The following GRIN2B variants were observed in gnomAD, a reference collection of about 807,000 sequenced individuals.
GRIN2B encodes glutamate ionotropic receptor NMDA type subunit 2B.
Under a neutral mutation model 114.5 loss-of-function variants are expected in GRIN2B, and 5 were observed. The ratio of observed to expected loss-of-function variants is 0.04; its 90% CI spans 0.02 to 0.09. GRIN2B has a LOEUF of 0.09. GRIN2B is among the 10% of genes least tolerant of loss of function. The pLI, the probability that GRIN2B is intolerant of heterozygous loss-of-function variation, is 1.00. For missense variants in GRIN2B, 1,108 were observed against 1,943.5 expected, an observed-to-expected ratio of 0.57 and a Z score of 8.08; for synonymous variants, 787 against 745.1, an observed-to-expected ratio of 1.06 and a Z score of -0.92.
At chr12:13,772,188 T>C (rs1400932823) in intron 3 of GRIN2B, among the ~76,000 whole-genome samples, 2 of 152,232 alleles carry the variant, frequency 1.3e-5, no homozygotes, top group Non-Finnish European at 2.9e-5. Flanking sequence ...CTCAGATGGA[T>C]CAGCTCCCTC....
At chr12:13,928,496 A>G (rs1034324590) in intron 2 of GRIN2B, among the ~76,000 whole-genome samples, 4 of 152,234 alleles carry the variant, frequency 2.6e-5, no homozygotes, top group Non-Finnish European at 5.9e-5. Flanking sequence ...AGATTATGTA[A>G]CAAAATATAC....
At position 13,846,475 on chromosome 12, in the gene GRIN2B, TC is replaced by T. The variant is rs1171348496; in HGVS notation, c.411+19322del. Reference sequence around the variant, plus strand: ...TGCTTTGACAAATGAGGTTGAGACTTCTATAGACTTTATTGTTGCATCTCTA... The same window carrying T: ...TGCTTTGACAAATGAGGTTGAGACTTTATAGACTTTATTGTTGCATCTCTA... On this transcript the variant is annotated intron_variant, in intron 3 of 13. Transcript: ENST00000609686. Among the ~76,000 whole-genome samples, 3 of 152,334 alleles carry T rather than the reference TC, an allele frequency of 2.0e-5. No individual in the cohort carries two copies. In the East Asian group the frequency reaches 5.8e-4, roughly 29 times the overall value.
intron 13 of GRIN2B, among the ~76,000 whole-genome samples, chr12:13,565,668 A>G (rs7305308): frequency 1.3e-5 from 2 of 152,186 alleles, no homozygotes; most frequent in Non-Finnish European, 1.5e-5. Flanking sequence ...AAGCATATGA[A>G]AAGAGGTTGT....
At chr12:13,824,371 G>A (rs1385799179) in intron 3 of GRIN2B, among the ~76,000 whole-genome samples, 1 of 152,100 alleles carries the variant, frequency 6.6e-6, no homozygotes, top group African/African-American at 2.4e-5. Flanking sequence ...CTCTCAAGGT[G>A]TTTGTCTATT....
intron 5 of GRIN2B, among the ~76,000 whole-genome samples, chr12:13,637,480 G>C (rs1949676283): frequency 6.6e-6 from 1 of 152,104 alleles, no homozygotes; most frequent in Admixed American, 6.5e-5. Flanking sequence ...AAAAATATCA[G>C]TTGTCTTCTT....
At chr12:13,702,227 G>T (rs1189148160) in intron 4 of GRIN2B, among the ~76,000 whole-genome samples, 1 of 152,112 alleles carries the variant, frequency 6.6e-6, no homozygotes, top group Non-Finnish European at 1.5e-5. Flanking sequence ...AATTATAATT[G>T]TGAAAATATT....
rs73045383 is a variant in GRIN2B, at chr12:13,547,364, G to T, written c.*15419C>A. The T allele has an allele frequency of 0.058, 8,787 of 152,160 alleles. 361 individuals carry two copies. The highest frequency in any genetic ancestry group is 0.2 in the East Asian group (1,029 of 5,160). The allele number at this position is 152,160 out of a possible 1,614,324, so 9.4% of individuals were successfully genotyped here. On this transcript the variant is annotated 3_prime_UTR_variant, in exon 14 of 14. Coordinates refer to ENST00000609686, the MANE Select transcript of GRIN2B (RefSeq NM_000834.5). ...GCACCAACCACTGAAGTTCATTTTGGAATCATGGCCACCCAGAAGAGGAAA... is the reference window on the plus strand; with the variant it reads ...GCACCAACCACTGAAGTTCATTTTGTAATCATGGCCACCCAGAAGAGGAAA...
intron 2 of GRIN2B, among the ~76,000 whole-genome samples, chr12:13,971,882 C>T (rs562934963): frequency 2.8e-4 from 43 of 152,160 alleles, no homozygotes; most frequent in Non-Finnish European, 5.1e-4. Context: ...TTAATTCAAA[C>T]CCCAGTTCCA....
chr12:13,936,215 CA>C (rs1351016639), intron 2 of GRIN2B, among the ~76,000 whole-genome samples: 1 of 152,126 alleles, frequency 6.6e-6, no homozygotes, highest in Non-Finnish European at 1.5e-5. Flanking sequence ...AGGTAAAACG[CA>C]GTTACTAGAG....
At chr12:13,839,438 C>T (rs984720716) in intron 3 of GRIN2B, among the ~76,000 whole-genome samples, 8 of 152,284 alleles carry the variant, frequency 5.3e-5, no homozygotes, top group African/African-American at 1.9e-4. Context: ...CACATACAAT[C>T]GTCATGGTGA....
intron 3 of GRIN2B, among the ~76,000 whole-genome samples, chr12:13,824,532 T>G (rs1294872808): frequency 2.6e-5 from 4 of 152,196 alleles, no homozygotes; most frequent in South Asian, 2.1e-4. Context: ...CCAGTCTTGC[T>G]AGAGATCTAT....
In GRIN2B at chr12:13,925,872, C is replaced by T. The variant is rs115424714; in HGVS notation, c.-19+54056G>A. Among the ~76,000 whole-genome samples the T allele has an allele frequency of 6.0e-3, 913 of 152,286 alleles. 11 individuals carry two copies. Among genetic ancestry groups the T allele is most frequent in the African/African-American group, 0.021 (865 of 41,542 alleles). On this transcript the variant is annotated intron_variant, in intron 2 of 13. Transcript: ENST00000609686. ...TATTGTTAAAATACAGAGTGACGGGCTTTTACATTAATCCATTAACTCTTC... is the reference window on the plus strand; with the variant it reads ...TATTGTTAAAATACAGAGTGACGGGTTTTTACATTAATCCATTAACTCTTC...
In GRIN2B at chr12:13,577,142, G is replaced by A. The variant is rs1948786967; in HGVS notation, c.2011-5178C>T. On this transcript the variant is annotated intron_variant, in intron 10 of 13. Coordinates refer to ENST00000609686, the MANE Select transcript of GRIN2B (RefSeq NM_000834.5). ...GTCCTACTGCTGCCTACTAGGGAGT[G>A]AAGCCACACACTGTAAGTGGGGCCA... Among the ~76,000 whole-genome samples, 3 of 152,176 alleles carry A rather than the reference G, an allele frequency of 2.0e-5. No individual in the cohort carries two copies. In the South Asian group the frequency reaches 6.2e-4, roughly 31 times the overall value.
chr12:13,654,338 T>C (rs1264258793), intron 5 of GRIN2B, among the ~76,000 whole-genome samples: 1 of 152,042 alleles, frequency 6.6e-6, no homozygotes, highest in Non-Finnish European at 1.5e-5. Context: ...TATTTGAAAA[T>C]GTGTGCATGT....
At chr12:13,616,297 G>A (rs1453110415) in intron 6 of GRIN2B, among the ~76,000 whole-genome samples, 158 bp downstream of exon 6, 1 of 152,148 alleles carries the variant, frequency 6.6e-6, no homozygotes, top group African/African-American at 2.4e-5. Flanking sequence ...CGAGACATCA[G>A]ACCAGAGGGC....
chr12:13,571,598 T>C (rs189564883), intron 11 of GRIN2B, among the ~76,000 whole-genome samples: 46 of 152,306 alleles, frequency 3.0e-4, no homozygotes, highest in Non-Finnish European at 8.8e-5. Context: ...GTAAAAAAAA[T>C]ACATAGAAGT....
chr12:13,575,942 T>C (rs867751410), intron 10 of GRIN2B, among the ~76,000 whole-genome samples: 17 of 152,212 alleles, frequency 1.1e-4, no homozygotes, highest in South Asian at 4.1e-4. Context: ...GTTGCTTCTA[T>C]GGAGATGAAG....
intron 4 of GRIN2B, among the ~76,000 whole-genome samples, chr12:13,749,162 T>C (rs1340764065): frequency 1.3e-5 from 2 of 152,216 alleles, no homozygotes; most frequent in African/African-American, 4.8e-5. Context: ...CTGAGAAGGA[T>C]TTTATGCCAT....
chr12:13,761,473 A>G (rs12369725), intron 3 of GRIN2B, among the ~76,000 whole-genome samples: 13,644 of 152,276 alleles, frequency 0.09, 713 homozygotes, highest in East Asian at 0.2. Context: ...AGAAGAAGGA[A>G]CAGGTAGATT....
Sources: allele counts gnomAD v4.1 joint callset (sites outside exome capture counted in the v4.1 genomes callset), GRCh38; gene constraint gnomAD v4.1.1; transcripts MANE v1.5; gene names NCBI Gene and HGNC (gene_info 2026-07-23, HGNC 2026-07-21).